The following IQSEC1 variants were observed in gnomAD, a reference collection of about 807,000 sequenced individuals.
The protein encoded by IQSEC1 is IQ motif and Sec7 domain ArfGEF 1.
In IQSEC1, 31 loss-of-function variants were observed where a neutral mutation model predicts 91.0. The ratio of observed to expected loss-of-function variants is 0.34; its 90% CI spans 0.26 to 0.46. The LOEUF (loss-of-function observed/expected upper bound fraction) is 0.46, where lower values mean the gene tolerates loss of function less well. Among genes scored for constraint, IQSEC1 ranks in the 20% least tolerant of loss-of-function variants. IQSEC1 has a pLI of 1.00. For missense variants in IQSEC1, 1,388 were observed against 1,575.6 expected, an observed-to-expected ratio of 0.88 and a Z score of 2.02; for synonymous variants, 699 against 662.6, an observed-to-expected ratio of 1.05 and a Z score of -0.84.
intron 1 of IQSEC1, among the ~76,000 whole-genome samples, chr3:13,262,639 T>C (rs1467242055): frequency 6.6e-6 from 1 of 152,162 alleles, no homozygotes; most frequent in Non-Finnish European, 1.5e-5. Context: ...TCATTCACAA[T>C]AGCCAAAAGG....
Position 13,139,111 on chromosome 3 carries a change from T to C in IQSEC1, c.302+24993A>G, listed in dbSNP as rs189630739. ...CCCAAGCACCCTCAGCTGATTCCAT[T>C]TGCCCCAGCCAGTGAAGTAGGCAGA... On this transcript the variant is annotated intron_variant, in intron 2 of 15. Coordinates refer to the IQSEC1 transcript ENST00000648114. Among the ~76,000 whole-genome samples the C allele has an allele frequency of 3.0e-3, 449 of 152,180 alleles. 1 individual carries two copies. The highest frequency in any genetic ancestry group is 4.5e-3 in the Non-Finnish European group (303 of 68,008).
chr3:13,003,110 T>C (rs1702490522), intron 1 of IQSEC1, among the ~76,000 whole-genome samples: 1 of 151,984 alleles, frequency 6.6e-6, no homozygotes, highest in South Asian at 2.1e-4. Flanking sequence ...ATAAACTAAC[T>C]ACAGTGTATC....
At chr3:13,212,117 C>T (rs1380025023) in intron 1 of IQSEC1, among the ~76,000 whole-genome samples, 1 of 152,190 alleles carries the variant, frequency 6.6e-6, no homozygotes, top group Admixed American at 6.5e-5. Context: ...GTTTTCTCAG[C>T]TGTAAAGTGG....
At chr3:13,133,168 G>C (rs868744874) in intron 2 of IQSEC1, among the ~76,000 whole-genome samples, 8 of 152,198 alleles carry the variant, frequency 5.3e-5, no homozygotes, top group African/African-American at 1.7e-4. Flanking sequence ...AGGCTGTCTC[G>C]ATTCTTGGAT....
chr3:12,902,450 G>A (rs557329241), intron 13 of IQSEC1, among the ~76,000 whole-genome samples: 2 of 152,070 alleles, frequency 1.3e-5, no homozygotes, highest in Non-Finnish European at 1.5e-5. Context: ...CATGCTCAGG[G>A]ACCACAGGTG....
intron 2 of IQSEC1, among the ~76,000 whole-genome samples, chr3:13,089,108 GAGGCCCCCTTGGGC>G (rs1705792651): frequency 1.3e-5 from 2 of 152,354 alleles, no homozygotes; most frequent in South Asian, 2.1e-4. Context: ...TATTGGCCAG[GAGGCCCCCTTGGGC>G]CCCTCCCCAA....
At chr3:13,215,437 G>C (rs1291832029) in intron 1 of IQSEC1, among the ~76,000 whole-genome samples, 1 of 152,058 alleles carries the variant, frequency 6.6e-6, no homozygotes, top group African/African-American at 2.4e-5. Context: ...GGCAGCCTCA[G>C]GCTCCCTCAG....
chr3:13,200,509 A>G (rs2125048344), intron 1 of IQSEC1, among the ~76,000 whole-genome samples: 1 of 152,336 alleles, frequency 6.6e-6, no homozygotes, highest in Non-Finnish European at 1.5e-5. Flanking sequence ...ACTTCCATAA[A>G]AATCCAGGGC....
chr3:13,086,932 T>C (rs1361753341), intron 2 of IQSEC1, among the ~76,000 whole-genome samples: 1 of 152,250 alleles, frequency 6.6e-6, no homozygotes, highest in Non-Finnish European at 1.5e-5. Flanking sequence ...GTCTTGGTTA[T>C]CGTGGCATCC....
At chr3:12,904,715 C>T (rs181287858) in intron 12 of IQSEC1, among the ~76,000 whole-genome samples, 1 of 152,314 alleles carries the variant, frequency 6.6e-6, no homozygotes, top group East Asian at 1.9e-4. Context: ...TAGCCTACCC[C>T]TAACGCCTGG....
intron 1 of IQSEC1, among the ~76,000 whole-genome samples, chr3:13,027,366 G>A (rs1476287024): frequency 1.3e-5 from 2 of 152,220 alleles, no homozygotes; most frequent in Non-Finnish European, 2.9e-5. Context: ...GCAGAGAAGA[G>A]CTTCCGCAAG....
rs1465922601 is a variant in IQSEC1 at position 12,900,440 on chromosome 3, C to T, written c.*543G>A. The T allele has an allele frequency of 1.2e-6, 1 of 854,908 alleles. No homozygotes were observed. The highest frequency in any genetic ancestry group is 1.8e-5 in the African/African-American group (1 of 54,204). 53.0% of individuals were successfully genotyped at this position (854,908 alleles called of 1,614,324 possible). ...AACGCCTGCCTTTCACACACAAGTA[C>T]TACCTATACAGTATATATATATATA... is the stretch of plus-strand genomic sequence containing the variant. On this transcript the variant is annotated 3_prime_UTR_variant, in exon 14 of 14. Transcript: ENST00000613206.
At position 13,073,257 on chromosome 3, in the gene IQSEC1, G is replaced by C. The variant is rs749714972; in HGVS notation, c.-243C>G. 3.5e-6 allele frequency: 2 copies of C among 569,714 alleles called. No homozygotes were observed. The highest frequency in any genetic ancestry group is 6.2e-6 in the Non-Finnish European group (2 of 321,164). The allele number at this position is 569,714 out of a possible 1,614,324, so 35.3% of individuals were successfully genotyped here. A position where few individuals can be genotyped will look rare whatever the true frequency, so the allele number is the denominator to read the frequency against. On this transcript the variant is annotated 5_prime_UTR_variant, in exon 1 of 14. Coordinates refer to ENST00000613206, the MANE Select transcript of IQSEC1 (RefSeq NM_001134382.3). ...GCGCGCGCTCACACCGTGCCCAGGA[G>C]CGAGCGAGGACGTCGAGTAACCGTG...
At position 13,065,218 on chromosome 3, in the gene IQSEC1, T is replaced by C. The variant is rs146387274; in HGVS notation, c.23+7774A>G. ...CTCAAATCCAGAAACCACAAAACAG[T>C]GGTGGGAAAACTAAACTGCTCTGTG... On this transcript the variant is annotated intron_variant, in intron 1 of 13. Transcript: ENST00000613206. Among the ~76,000 whole-genome samples, 117 of 152,200 alleles carry C rather than the reference T, an allele frequency of 7.7e-4. 1 individual carries two copies. The highest frequency in any genetic ancestry group is 2.7e-3 in the African/African-American group (111 of 41,508).
rs114832260 is a variant in IQSEC1, at chr3:13,189,602, G to A, written c.273-25469C>T. 2.1e-3 allele frequency among the ~76,000 whole-genome samples: 315 copies of A among 152,238 alleles called. 2 individuals carry two copies. The highest frequency in any genetic ancestry group is 7.4e-3 in the African/African-American group (308 of 41,510). On this transcript the variant is annotated intron_variant, in intron 1 of 15. Transcript: ENST00000648114. ...CACTACAAGTGACAGCAGAACATAA[G>A]TCTCAGAGGAAAACTGAACTGCATT...
In IQSEC1 at chr3:12,935,962, C is replaced by T. The variant is rs1698147152; in HGVS notation, c.1054G>A (p.Glu352Lys). 1 of 1,599,028 alleles carries T rather than the reference C, an allele frequency of 6.3e-7. No homozygotes were observed. Among genetic ancestry groups the T allele is most frequent in the Non-Finnish European group, 8.5e-7 (1 of 1,179,508 alleles). Residue 352 changes from glutamate (E) to lysine (K), a missense_variant, in exon 3 of 14, where the codon GAG becomes AAG. Around this residue, in one of 2 missense-constraint regions of IQSEC1, gnomAD observed 1,059 missense variants for 1,317.8 expected, o/e 0.80. Coordinates refer to ENST00000613206, the MANE Select transcript of IQSEC1 (RefSeq NM_001134382.3). The surrounding 1 kb of genome is among the most constrained non-coding windows in gnomAD (Gnocchi z 8.0). The part of the protein sequence containing the change: ...DTSCRSTPSL[E>K]RQEQRLRVEH... The stretch of plus-strand genomic sequence containing the variant: ...ACCCGCAGCCGCTGCTCCTGCCGCT[C>T]CAGCGACGGCGTGCTCCGGCAGCTC...
intron 2 of IQSEC1, among the ~76,000 whole-genome samples, chr3:13,134,909 C>G (rs1188786243): frequency 6.6e-6 from 1 of 152,094 alleles, no homozygotes; most frequent in Non-Finnish European, 1.5e-5. Context: ...CCCGGGCCTG[C>G]CATGAATCCA....
rs360855 is a variant in IQSEC1 at position 12,983,402 on chromosome 3, T to C, written c.24-41537A>G. ...GGCGGGTGAGGAGCAGGAGGAAGCA[T>C]GGCTCACTCCTGGCCTGACCAAAGC... On this transcript the variant is annotated intron_variant, in intron 1 of 13. Transcript: ENST00000613206. This position sits in a 1 kb window ranked among gnomAD's most constrained non-coding sequence, Gnocchi z 4.3. 0.17 allele frequency among the ~76,000 whole-genome samples: 25,413 copies of C among 152,116 alleles called. 2,295 individuals are homozygous for C. The highest frequency in any genetic ancestry group is 0.24 in the African/African-American group (9,756 of 41,466).
chr3:13,262,498 C>G (rs138535139), intron 1 of IQSEC1, among the ~76,000 whole-genome samples: 2 of 152,100 alleles, frequency 1.3e-5, no homozygotes, highest in Admixed American at 6.5e-5. Context: ...TACGCTAGGA[C>G]GGAGTTCGTA....
Sources: gnomAD v4.1 joint callset for allele counts (sites outside exome capture counted in the v4.1 genomes callset) on GRCh38, gnomAD v4.1.1 for gene constraint, gnomAD v4.1.1 regional missense constraint, Gnocchi (gnomAD v3.1) non-coding constraint, MANE v1.5 for transcripts, NCBI Gene and HGNC (gene_info 2026-07-23, HGNC 2026-07-21) for gene names.